The following GAP43 variants were observed in gnomAD, a reference collection of about 807,000 sequenced individuals.
The protein encoded by GAP43 is neuromodulin.
In GAP43, 6 loss-of-function variants were observed where a neutral mutation model predicts 18.6. That is an observed-to-expected ratio of 0.32 (90% CI 0.18 to 0.64). The LOEUF (loss-of-function observed/expected upper bound fraction) is 0.64, where lower values mean the gene tolerates loss of function less well. Among genes scored for constraint, GAP43 ranks in the 30% least tolerant of loss-of-function variants. The pLI is 0.78. For synonymous variants in GAP43, 115 were observed against 111.4 expected (o/e 1.03, Z -0.20); for missense variants, 292 against 295.5 (o/e 0.99, Z 0.09).
chr3:115,688,109 C>T (rs199606245), intron 2 of GAP43, among the ~76,000 whole-genome samples: 10 of 152,076 alleles, frequency 6.6e-5, no homozygotes, highest in African/African-American at 9.7e-5. Flanking sequence ...CTCCGCCTCC[C>T]GGGTTCAACC....
Position 115,716,717 on chromosome 3 carries a change from A to AATAT in GAP43, c.629-4029_629-4026dup, listed in dbSNP as rs3995850. Among the ~76,000 whole-genome samples the AATAT allele has an allele frequency of 2.4e-3, 106 of 43,914 alleles. 1 individual carries two copies. The highest frequency in any genetic ancestry group is 3.3e-3 in the Admixed American group (10 of 3,060). The allele number at this position is 43,914 out of a possible 152,430, so 28.8% of individuals were successfully genotyped here. On this transcript the variant is annotated intron_variant, in intron 2 of 2. Coordinates refer to ENST00000305124, the MANE Select transcript of GAP43 (RefSeq NM_002045.4). ...TAAAAAATTACTTTAATCTCAGACAAATATATATATATATATATATATATA... is the reference window on the plus strand; with the variant it reads ...TAAAAAATTACTTTAATCTCAGACAAATATATATATATATATATATATATATATA...
chr3:115,658,237 G>A (rs1708611568), intron 1 of GAP43, among the ~76,000 whole-genome samples: 1 of 152,162 alleles, frequency 6.6e-6, no homozygotes, highest in African/African-American at 2.4e-5. Context: ...GAGGGTTGAA[G>A]CAAACTTTTT....
At chr3:115,683,188 C>T (rs1036925218) in intron 2 of GAP43, among the ~76,000 whole-genome samples, 7 of 145,056 alleles carry the variant, frequency 4.8e-5, no homozygotes, top group Non-Finnish European at 3.0e-5. Context: ...CACACACACA[C>T]GACAATCTTG....
intron 1 of GAP43, among the ~76,000 whole-genome samples, chr3:115,662,489 CTG>C (rs1311837879): frequency 6.6e-6 from 1 of 152,096 alleles, no homozygotes; most frequent in East Asian, 1.9e-4. Context: ...TATGTAGTAA[CTG>C]TCAAATTGCA....
intron 1 of GAP43, among the ~76,000 whole-genome samples, chr3:115,629,613 A>G (rs371215977): frequency 2.5e-4 from 38 of 152,214 alleles, no homozygotes; most frequent in African/African-American, 8.2e-4. Flanking sequence ...TGTATTTTGT[A>G]CTATCTCTAT....
intron 1 of GAP43, among the ~76,000 whole-genome samples, chr3:115,628,847 C>A (rs1708224854): frequency 6.6e-6 from 1 of 152,166 alleles, no homozygotes; most frequent in South Asian, 2.1e-4. Flanking sequence ...CTTTAGCCAC[C>A]TGTGTGATTT....
At chr3:115,684,216 T>C (rs1054372245) in intron 2 of GAP43, among the ~76,000 whole-genome samples, 26 of 152,142 alleles carry the variant, frequency 1.7e-4, no homozygotes, top group Non-Finnish European at 2.4e-4. Flanking sequence ...GGCTTTTTTT[T>C]CCCCTGTTTT....
chr3:115,695,462 T>C (rs138573655), intron 2 of GAP43, among the ~76,000 whole-genome samples: 440 of 152,356 alleles, frequency 2.9e-3, no homozygotes, highest in Non-Finnish European at 4.5e-3. Context: ...TTGTTTTATT[T>C]AATACTTAGT....
intron 1 of GAP43, among the ~76,000 whole-genome samples, chr3:115,637,088 T>C (rs538881205): frequency 9.9e-5 from 15 of 152,220 alleles, no homozygotes; most frequent in East Asian, 1.9e-4. Flanking sequence ...TCAAGACTTA[T>C]CTCATTTGTG....
At chr3:115,685,037 T>C (rs1230768727) in intron 2 of GAP43, among the ~76,000 whole-genome samples, 1 of 152,220 alleles carries the variant, frequency 6.6e-6, no homozygotes, top group Non-Finnish European at 1.5e-5. Flanking sequence ...TTGCTTTTCC[T>C]GCATCTGTGA....
chr3:115,629,249 T>C (rs1045027765), intron 1 of GAP43, among the ~76,000 whole-genome samples: 16 of 152,214 alleles, frequency 1.1e-4, no homozygotes, highest in African/African-American at 3.9e-4. Context: ...ACCACCACAT[T>C]GTTCTTTAGT....
chr3:115,652,694 A>C (rs1204207564), intron 1 of GAP43, among the ~76,000 whole-genome samples: 3 of 152,102 alleles, frequency 2.0e-5, no homozygotes. Flanking sequence ...CCGCCTATGC[A>C]GTGTTCAATA....
At chr3:115,689,131 G>A (rs368952555) in intron 2 of GAP43, among the ~76,000 whole-genome samples, 2 of 152,184 alleles carry the variant, frequency 1.3e-5, no homozygotes, top group East Asian at 1.9e-4. Flanking sequence ...CCATTTGAAT[G>A]TCCCTTACTC....
intron 2 of GAP43, among the ~76,000 whole-genome samples, chr3:115,683,157 A>ACG (rs1708984833): frequency 6.1e-5 from 9 of 146,856 alleles, no homozygotes; most frequent in Non-Finnish European, 1.5e-5. Context: ...GCACACACAC[A>ACG]CACACACACA....
At chr3:115,643,571 C>A (rs1708424165) in intron 1 of GAP43, among the ~76,000 whole-genome samples, 1 of 151,978 alleles carries the variant, frequency 6.6e-6, no homozygotes, top group Admixed American at 6.6e-5. Flanking sequence ...GTTCTGTCTG[C>A]CTAAAATACT....
chr3:115,699,704 C>G (rs1242196255), intron 2 of GAP43, among the ~76,000 whole-genome samples: 1 of 152,086 alleles, frequency 6.6e-6, no homozygotes, highest in Non-Finnish European at 1.5e-5. Flanking sequence ...AGAAGACAAC[C>G]GAGGTGACAG....
chr3:115,696,992 G>C (rs1012179238), intron 2 of GAP43, among the ~76,000 whole-genome samples: 19 of 151,158 alleles, frequency 1.3e-4, no homozygotes, highest in Non-Finnish European at 2.7e-4. Context: ...ACCACACCCG[G>C]CTAAATTTTG....
chr3:115,626,016 C>T (rs1249886537), intron 1 of GAP43, among the ~76,000 whole-genome samples: 1 of 152,164 alleles, frequency 6.6e-6, no homozygotes, highest in Non-Finnish European at 1.5e-5. Context: ...GTGTATCATT[C>T]ACATTAGCCA....
intron 2 of GAP43, among the ~76,000 whole-genome samples, chr3:115,717,542 C>A (rs949303442): frequency 6.6e-5 from 10 of 152,044 alleles, no homozygotes; most frequent in African/African-American, 2.4e-4. Context: ...CTCCTGACCT[C>A]AGGTGATCCA....
Sources: allele counts gnomAD v4.1 joint callset (sites outside exome capture counted in the v4.1 genomes callset), GRCh38; gene constraint gnomAD v4.1.1; transcripts MANE v1.5; gene names NCBI Gene and HGNC (gene_info 2026-07-23, HGNC 2026-07-21).